RBFOX1: variants seen among roughly 807,000 people sequenced by gnomAD.
RBFOX1 encodes RNA binding protein fox-1 homolog 1.
In RBFOX1, 8 loss-of-function variants were observed where a neutral mutation model predicts 57.7. That is an observed-to-expected ratio of 0.14 (90% CI 0.08 to 0.25). The LOEUF (loss-of-function observed/expected upper bound fraction) is 0.25. Among genes scored for constraint, RBFOX1 ranks in the 10% least tolerant of loss-of-function variants. RBFOX1 has a pLI of 1.00. For missense variants in RBFOX1, 611 were observed against 548.5 expected (o/e 1.11, Z -1.14); for synonymous variants, 326 against 222.4 (o/e 1.47, Z -4.15).
chr16:6,363,057 A>G (rs920757434), intron 2 of RBFOX1, among the ~76,000 whole-genome samples: 2 of 152,226 alleles, frequency 1.3e-5, no homozygotes, highest in Non-Finnish European at 2.9e-5. Flanking sequence ...ATATGAAATG[A>G]TCTAATGCAA....
rs2057379212 is a variant in RBFOX1 at position 5,867,842 on chromosome 16, G to T, written c.351+507G>T. Among the ~76,000 whole-genome samples the T allele has an allele frequency of 2.6e-5, 4 of 152,038 alleles. 1 individual carries two copies. Among genetic ancestry groups the T allele is most frequent in the Admixed American group, 2.6e-4 (4 of 15,258 alleles). ...TTCTCCTGCCTCGGCCTCCTGAGTG[G>T]CTGGGATTACAGGTGTGCACCGCCA... On this transcript the variant is annotated intron_variant, in intron 4 of 19. Transcript: ENST00000641259.
At chr16:6,113,430 C>T (rs74004757) in intron 1 of RBFOX1, among the ~76,000 whole-genome samples, 4 of 152,178 alleles carry the variant, frequency 2.6e-5, no homozygotes, top group South Asian at 4.2e-4. Flanking sequence ...AGAACCACAG[C>T]GACATAAAAG....
intron 2 of RBFOX1, among the ~76,000 whole-genome samples, chr16:6,611,969 C>A (rs2098064032): frequency 6.6e-6 from 1 of 150,670 alleles, no homozygotes; most frequent in African/African-American, 2.4e-5. Flanking sequence ...TGTTACCGTT[C>A]CTTCTTTGGC....
chr16:5,820,201 C>G (rs1418994424), intron 3 of RBFOX1, among the ~76,000 whole-genome samples: 2 of 152,340 alleles, frequency 1.3e-5, no homozygotes, highest in East Asian at 3.9e-4. Context: ...ACACTTGCCC[C>G]TGGTCCATAC....
chr16:7,643,945 C>T (rs1270915831), intron 11 of RBFOX1, among the ~76,000 whole-genome samples: 3 of 152,096 alleles, frequency 2.0e-5, no homozygotes, highest in Non-Finnish European at 4.4e-5. Flanking sequence ...AACAGATTCC[C>T]CTGCAAATTA....
At chr16:7,471,179 C>A (rs992731012) in intron 4 of RBFOX1, among the ~76,000 whole-genome samples, 8 of 152,160 alleles carry the variant, frequency 5.3e-5, no homozygotes, top group African/African-American at 1.9e-4. Context: ...GAATATGTGT[C>A]TGCCATGCTC....
Position 6,415,097 on chromosome 16 carries a change from G to C in RBFOX1, c.-64+98040G>C, listed in dbSNP as rs539907889. ...GTCTCTACTAAAAATACAAAAATTA[G>C]CTGGGCGTGGTGGCATGTGTCTGTA... is the stretch of plus-strand genomic sequence containing the variant. On this transcript the variant is annotated intron_variant, in intron 2 of 15. Coordinates refer to ENST00000550418, the MANE Select transcript of RBFOX1 (RefSeq NM_018723.4). 4.6e-5 allele frequency among the ~76,000 whole-genome samples: 7 copies of C among 151,938 alleles called. No homozygotes were observed. In the East Asian group the frequency reaches 1.4e-3, roughly 30 times the overall value.
At chr16:5,852,272 C>T (rs1316930654) in intron 3 of RBFOX1, among the ~76,000 whole-genome samples, 2 of 152,104 alleles carry the variant, frequency 1.3e-5, no homozygotes, top group East Asian at 1.9e-4. Context: ...TGCCTTAGGT[C>T]GAGTTCTCCA....
chr16:6,341,588 A>G (rs1179554569), intron 2 of RBFOX1, among the ~76,000 whole-genome samples: 1 of 152,222 alleles, frequency 6.6e-6, no homozygotes, highest in African/African-American at 2.4e-5. Flanking sequence ...TGCAAAATAT[A>G]GTAATTAAGA....
At chr16:7,314,542 G>A (rs1038753669) in intron 4 of RBFOX1, among the ~76,000 whole-genome samples, 4 of 152,150 alleles carry the variant, frequency 2.6e-5, no homozygotes, top group Admixed American at 1.3e-4. Flanking sequence ...AATGAAGAAC[G>A]GGATGCGATC....
intron 3 of RBFOX1, among the ~76,000 whole-genome samples, chr16:6,730,186 A>T (rs1216316435): frequency 4.6e-5 from 7 of 152,114 alleles, no homozygotes; most frequent in Non-Finnish European, 1.0e-4. Context: ...ACCCATAAGG[A>T]GAAGAGGAGG....
intron 2 of RBFOX1, among the ~76,000 whole-genome samples, chr16:6,481,594 C>T (rs1055859679): frequency 1.3e-5 from 2 of 152,214 alleles, no homozygotes; most frequent in Non-Finnish European, 1.5e-5. Context: ...ATTTGTGAAT[C>T]TCTGTAATTG....
intron 4 of RBFOX1, among the ~76,000 whole-genome samples, chr16:7,186,299 CATAAACATATTTATATAAAT>C (rs2083779202): frequency 1.0e-5 from 1 of 96,990 alleles, no homozygotes; most frequent in South Asian, 3.7e-4. Context: ...TAAATATAAA[CATAAACATATTTATATAAAT>C]ATAAACATAA....
At chr16:7,517,232 T>G (rs886850499) in intron 4 of RBFOX1, among the ~76,000 whole-genome samples, 2 of 151,204 alleles carry the variant, frequency 1.3e-5, no homozygotes, top group Admixed American at 1.3e-4. Context: ...GAGAGCTGTT[T>G]CCTGAAATGG....
At chr16:7,479,337 C>G (rs1315133337) in intron 4 of RBFOX1, among the ~76,000 whole-genome samples, 1 of 151,928 alleles carries the variant, frequency 6.6e-6, no homozygotes, top group East Asian at 1.9e-4. Flanking sequence ...CACTTTGTTG[C>G]CCAGGCTAGT....
In RBFOX1 at chr16:6,800,239, G is replaced by A. The variant is rs62016136; in HGVS notation, c.-16+145589G>A. 5.3e-3 allele frequency among the ~76,000 whole-genome samples: 772 copies of A among 146,014 alleles called. 5 individuals are homozygous for A. Among genetic ancestry groups the A allele is most frequent in the Non-Finnish European group, 8.2e-3 (555 of 67,940 alleles). On this transcript the variant is annotated intron_variant, in intron 3 of 15. Transcript: ENST00000550418. ...CTCATAACCATGTCTGTTTGCCCAA[G>A]ACTGTCCCAGTTTTAGCACTCAGCA...
chr16:7,435,868 G>C (rs1482174475), intron 4 of RBFOX1, among the ~76,000 whole-genome samples: 1 of 152,202 alleles, frequency 6.6e-6, no homozygotes, highest in African/African-American at 2.4e-5. Context: ...GAGTTGGCCT[G>C]CTGGGGTATG....
chr16:5,431,837 A>T (rs1365222957), intron 1 of RBFOX1, among the ~76,000 whole-genome samples: 2 of 152,056 alleles, frequency 1.3e-5, no homozygotes, highest in African/African-American at 4.8e-5. Context: ...TGTCCCCCTA[A>T]CATCCAAAAT....
At chr16:6,681,757 A>G (rs2058685856) in intron 3 of RBFOX1, among the ~76,000 whole-genome samples, 1 of 152,130 alleles carries the variant, frequency 6.6e-6, no homozygotes, top group Admixed American at 6.6e-5. Flanking sequence ...AATAGACATA[A>G]CCACTCTCTG....
Sources: gnomAD v4.1 joint callset for allele counts (sites outside exome capture counted in the v4.1 genomes callset) on GRCh38, gnomAD v4.1.1 for gene constraint, MANE v1.5 for transcripts, NCBI Gene and HGNC (gene_info 2026-07-23, HGNC 2026-07-21) for gene names.